SEC24A: variants seen among roughly 807,000 people sequenced by gnomAD.
SEC24A encodes the protein SEC24 homolog A, COPII component.
SEC24A carries 93 observed loss-of-function variants against 129.4 expected under a neutral mutation model. That is an observed-to-expected ratio of 0.72 (90% CI 0.61 to 0.85). The LOEUF is 0.85. Ranked by LOEUF, SEC24A falls within the 40% of genes least tolerant of loss-of-function variation. SEC24A has a pLI of 0.00. For missense variants in SEC24A, 1,264 were observed against 1,307.4 expected (o/e 0.97, Z 0.51); for synonymous variants, 460 against 467.3 (o/e 0.98, Z 0.20).
At chr5:134,693,504 T>C (rs1419589495) in intron 12 of SEC24A, 3 of 1,415,070 alleles carry the variant, frequency 2.1e-6, no homozygotes, top group South Asian at 1.6e-5. Context: ...GACTACTGCA[T>C]GTGCAAGAAC....
chr5:134,662,229 A>C (rs1042499560), intron 2 of SEC24A, among the ~76,000 whole-genome samples: 3 of 151,748 alleles, frequency 2.0e-5, no homozygotes, highest in Non-Finnish European at 4.4e-5. Flanking sequence ...ATCTTGGCTC[A>C]CTGCAAGCTC....
At chr5:134,673,687 G>C (rs965554815) in intron 4 of SEC24A, among the ~76,000 whole-genome samples, 7 of 150,400 alleles carry the variant, frequency 4.7e-5, no homozygotes, top group Non-Finnish European at 1.0e-4. Context: ...TCCAACTCCT[G>C]ACCTCAAAGT....
intron 15 of SEC24A, among the ~76,000 whole-genome samples, chr5:134,699,696 CT>C (rs746836417): frequency 0.047 from 5,324 of 112,714 alleles, 46 homozygotes; most frequent in Non-Finnish European, 0.069. Context: ...TTTGTACTCT[CT>C]TTTTTTTTTT....
At position 134,666,874 on chromosome 5, in the gene SEC24A, C is replaced by T. The variant is rs1335764289; in HGVS notation, c.617C>T (p.Pro206Leu). The stretch of plus-strand genomic sequence containing the variant: ...CCACCTCTGCCTACAACTTTTCAAC[C>T]AGGAGCTCCTCATGGGCCCCCTCCA... Reference protein sequence around the residue: ...VNPPLPTTFQPGAPHGPPPAG... With the variant: ...VNPPLPTTFQLGAPHGPPPAG... Residue 206 changes from proline to leucine, a missense_variant, in exon 3 of 23, where the codon CCA becomes CTA. By Grantham distance (98) the Pro-to-Leu change is moderately conservative (BLOSUM62 -3). Coordinates refer to ENST00000398844, the MANE Select transcript of SEC24A (RefSeq NM_021982.3). The T allele has an allele frequency of 3.1e-6, 5 of 1,613,828 alleles. No individual in the cohort carries two copies. The African/African-American group carries it at 4.0e-5, about 13-fold the overall frequency.
intron 11 of SEC24A, among the ~76,000 whole-genome samples, chr5:134,688,923 G>A (rs910315050): frequency 1.3e-5 from 2 of 152,056 alleles, no homozygotes; most frequent in African/African-American, 4.8e-5. Flanking sequence ...CAAGTGATCT[G>A]CCTCTCTTGG....
intron 14 of SEC24A, 64 bp from the exon 15 acceptor site, chr5:134,697,835 A>T: frequency 6.9e-7 from 1 of 1,440,504 alleles, no homozygotes; most frequent in Non-Finnish European, 9.5e-7. Context: ...CAATGTCTTT[A>T]GTTACTTTGG....
At chr5:134,665,553 A>T (rs930696153) in intron 2 of SEC24A, among the ~76,000 whole-genome samples, 4 of 149,946 alleles carry the variant, frequency 2.7e-5, no homozygotes, top group South Asian at 2.1e-4. Flanking sequence ...TTTTATTTTT[A>T]TTTATTTATT....
Position 134,726,899 on chromosome 5 carries a change from C to T in SEC24A, c.*1805C>T, listed in dbSNP as rs766833720. ...ATCTTCCTTGTGCCTCACTACATCC[C>T]TAAGTGGGTATGACTCTTGTTATTA... On this transcript the variant is annotated 3_prime_UTR_variant, in exon 23 of 23. Transcript: ENST00000398844. The T allele has an allele frequency of 2.0e-5, 3 of 152,016 alleles. No homozygotes were observed. Among genetic ancestry groups the T allele is most frequent in the Non-Finnish European group, 4.4e-5 (3 of 67,954 alleles). The allele number at this position is 152,016 out of a possible 1,614,324, so 9.4% of individuals were successfully genotyped here. A position where few individuals can be genotyped will look rare whatever the true frequency, so the allele number is the denominator to read the frequency against.
chr5:134,695,407 T>A (rs1751789047), intron 13 of SEC24A, among the ~76,000 whole-genome samples: 1 of 151,986 alleles, frequency 6.6e-6, no homozygotes, highest in Non-Finnish European at 1.5e-5. Flanking sequence ...AGACCAGTGC[T>A]TTGGGAGGCT....
intron 6 of SEC24A, 124 bp downstream of exon 6, chr5:134,675,341 A>G (rs1279379634): frequency 2.9e-6 from 2 of 697,186 alleles, no homozygotes; most frequent in East Asian, 2.7e-5. Flanking sequence ...GATACAGATG[A>G]TAGAACTCTT....
chr5:134,690,422 T>C (rs1406971506), intron 11 of SEC24A, among the ~76,000 whole-genome samples: 1 of 152,116 alleles, frequency 6.6e-6, no homozygotes, highest in African/African-American at 2.4e-5. Flanking sequence ...CAAGCGATCC[T>C]TCCACCTCGG....
chr5:134,705,695 T>C (rs1248800238), intron 17 of SEC24A, among the ~76,000 whole-genome samples: 1 of 152,172 alleles, frequency 6.6e-6, no homozygotes, highest in Non-Finnish European at 1.5e-5. Context: ...TTGTTTTTAG[T>C]GTTTTTACAG....
In SEC24A at chr5:134,666,872, A is replaced by T; in HGVS notation, c.615A>T (p.Gln205His). The T allele has an allele frequency of 6.2e-7, 1 of 1,613,954 alleles. No individual in the cohort carries two copies. Among genetic ancestry groups the T allele is most frequent in the Non-Finnish European group, 8.5e-7 (1 of 1,179,970 alleles). The part of the protein sequence containing the change: ...LVNPPLPTTF[Q>H]PGAPHGPPPA... Reference sequence around the variant, plus strand: ...ATCCACCTCTGCCTACAACTTTTCAACCAGGAGCTCCTCATGGGCCCCCTC... The same window carrying T: ...ATCCACCTCTGCCTACAACTTTTCATCCAGGAGCTCCTCATGGGCCCCCTC... The change falls in exon 3 of 23, where the codon CAA (glutamine) becomes CAT (histidine). Residue 205 changes from glutamine to histidine, a missense_variant. Gln to His is a conservative substitution (Grantham distance 24). Coordinates refer to ENST00000398844, the MANE Select transcript of SEC24A (RefSeq NM_021982.3).
chr5:134,726,161 T>C lies in SEC24A; in HGVS notation c.*1067T>C, dbSNP rs546506764. 1 of 152,680 alleles carries C rather than the reference T, an allele frequency of 6.5e-6. No individual in the cohort carries two copies. Among genetic ancestry groups the C allele is most frequent in the African/African-American group, 2.4e-5 (1 of 41,590 alleles). 9.5% of individuals were successfully genotyped at this position (152,680 alleles called of 1,614,324 possible). ...ATACACATCCAACATATTAAAGTTA[T>C]GAAAGAAACTTGACTTCTGAAAATC... On this transcript the variant is annotated 3_prime_UTR_variant, in exon 23 of 23. Coordinates refer to ENST00000398844, the MANE Select transcript of SEC24A (RefSeq NM_021982.3).
chr5:134,714,991 T>C, intron 18 of SEC24A, 33 bp from the exon 19 acceptor site: 1 of 1,594,684 alleles, frequency 6.3e-7, no homozygotes, highest in African/African-American at 1.3e-5. Context: ...TAAAATATAT[T>C]CTTTTGTGGG....
chr5:134,671,736 A>G, intron 3 of SEC24A, 73 bp from the exon 4 acceptor site: 1 of 831,906 alleles, frequency 1.2e-6, no homozygotes, highest in Non-Finnish European at 1.9e-6. Flanking sequence ...AAAATTTTGG[A>G]TATTAGTTAA....
rs6865584 is a variant in SEC24A, at chr5:134,652,008, G to C, written c.97+2835G>C. On this transcript the variant is annotated intron_variant, in intron 1 of 22. Coordinates refer to ENST00000398844, the MANE Select transcript of SEC24A (RefSeq NM_021982.3). ...AGTGCAATGGCTCATTGCAACCTCT[G>C]CCTCCCAGATTCAAGCAATTCTCCT... is the stretch of plus-strand genomic sequence containing the variant. Among the ~76,000 whole-genome samples the C allele has an allele frequency of 7.8e-3, 1,106 of 142,038 alleles. 12 individuals are homozygous for C. Among genetic ancestry groups the C allele is most frequent in the African/African-American group, 0.027 (1,051 of 38,308 alleles). 93.2% of individuals were successfully genotyped at this position (142,038 alleles called of 152,430 possible). A position where few individuals can be genotyped will look rare whatever the true frequency, so the allele number is the denominator to read the frequency against.
intron 17 of SEC24A, among the ~76,000 whole-genome samples, chr5:134,705,931 A>T (rs1244354313): frequency 7.0e-6 from 1 of 143,834 alleles, no homozygotes; most frequent in African/African-American, 2.6e-5. Flanking sequence ...CTTATTGCCC[A>T]GGCTGGAGTG....
intron 17 of SEC24A, among the ~76,000 whole-genome samples, chr5:134,706,958 G>C (rs957642740): frequency 6.6e-6 from 1 of 152,018 alleles, no homozygotes; most frequent in Non-Finnish European, 1.5e-5. Flanking sequence ...CAAAGTGCTG[G>C]GATTACAGGC....
Sources: allele counts gnomAD v4.1 joint callset (sites outside exome capture counted in the v4.1 genomes callset), GRCh38; gene constraint gnomAD v4.1.1; transcripts MANE v1.5; gene names NCBI Gene and HGNC (gene_info 2026-07-23, HGNC 2026-07-21).